Variants in ARID1B observed in about 807,000 individuals in gnomAD.
ARID1B encodes the protein AT-rich interaction domain 1B, also known as AT-rich interactive domain-containing protein 1B.
A neutral mutation model predicts 212.3 loss-of-function variants in ARID1B; 30 were observed. The observed-to-expected ratio is 0.14, with a 90% confidence interval of 0.11 to 0.19. The LOEUF (loss-of-function observed/expected upper bound fraction) is 0.19, where lower values mean the gene tolerates loss of function less well. Among genes scored for constraint, ARID1B ranks in the 10% least tolerant of loss-of-function variants. ARID1B has a pLI of 1.00. For missense variants in ARID1B, 2,891 were observed against 3,204.0 expected, an observed-to-expected ratio of 0.90 and a Z score of 2.36; for synonymous variants, 1,402 against 1,301.7, an observed-to-expected ratio of 1.08 and a Z score of -1.66.
intron 3 of ARID1B, among the ~76,000 whole-genome samples, chr6:156,907,631 C>T (rs147986744): frequency 2.0e-5 from 3 of 151,748 alleles, no homozygotes; most frequent in South Asian, 2.1e-4. Context: ...GGAGGCCAGG[C>T]GTGGTGGCTC....
Position 156,777,768 on chromosome 6 carries a change from G to T in ARID1B, c.88G>T (p.Gly30Trp). Reference protein sequence around the residue: ...AGSGERRAPPGPRPAPGARDL... With the variant: ...AGSGERRAPPWPRPAPGARDL... ...CAGCGGCGAACGGCGGGCGCCCCCC[G>T]GGCCGCGGCCGGCGCCCGGAGCCCG... The change falls in exon 1 of 20, where the codon GGG (glycine) becomes TGG (tryptophan). Residue 30 changes from glycine to tryptophan, a missense_variant. By Grantham distance (184) the Gly-to-Trp change is radical. This residue lies in a region of ARID1B where 1,643 missense variants were observed against 1,544.0 expected (regional missense o/e 1.06). Coordinates refer to ENST00000636930, the MANE Select transcript of ARID1B (RefSeq NM_001374828.1). 1.3e-6 allele frequency: 1 copy of T among 757,842 alleles called. No individual in the cohort carries two copies. The highest frequency in any genetic ancestry group is 1.6e-6 in the Non-Finnish European group (1 of 628,048). The allele number at this position is 757,842 out of a possible 1,614,324, so 46.9% of individuals were successfully genotyped here. A position where few individuals can be genotyped will look rare whatever the true frequency, so the allele number is the denominator to read the frequency against.
At chr6:156,909,523 G>C (rs1337091619) in intron 3 of ARID1B, among the ~76,000 whole-genome samples, 1 of 152,130 alleles carries the variant, frequency 6.6e-6, no homozygotes, top group Non-Finnish European at 1.5e-5. Flanking sequence ...GATAGCCCCA[G>C]TTGTCTTCAG....
rs1302437816 is a variant in ARID1B at position 157,148,706 on chromosome 6, C to A, written c.2844C>A (p.Ala948=). 6.2e-7 allele frequency: 1 copy of A among 1,613,034 alleles called. No homozygotes were observed. Among genetic ancestry groups the A allele is most frequent in the Admixed American group, 1.7e-5 (1 of 60,026 alleles). Residue 948 remains alanine (A), a synonymous_variant, in exon 8 of 20, where the codon GCC becomes GCA. Transcript: ENST00000636930. This position sits in a 1 kb window ranked among gnomAD's most constrained non-coding sequence, Gnocchi z 5.6. ...SGPGPGMGIS[A]NNQMHGQGPS... The stretch of plus-strand genomic sequence containing the variant: ...CAGGGCCCGGTATGGGTATCAGTGC[C>A]AACAACCAGATGCATGGACAAGGGC...
chr6:156,867,242 G>A (rs1383501072), intron 2 of ARID1B, among the ~76,000 whole-genome samples: 1 of 152,188 alleles, frequency 6.6e-6, no homozygotes, highest in East Asian at 1.9e-4. Context: ...GCTCCTCCAT[G>A]GAAAAGATGG....
chr6:156,950,942 A>G (rs1329215108), intron 4 of ARID1B, among the ~76,000 whole-genome samples: 1 of 152,144 alleles, frequency 6.6e-6, no homozygotes, highest in African/African-American at 2.4e-5. Flanking sequence ...AGCCTCCCTA[A>G]TGAATTTTTT....
intron 3 of ARID1B, among the ~76,000 whole-genome samples, chr6:156,920,210 C>T (rs1790672307): frequency 6.6e-6 from 1 of 152,234 alleles, no homozygotes; most frequent in South Asian, 2.1e-4. Flanking sequence ...GCCTGACAGC[C>T]CATCTGTCTT....
chr6:157,018,234 T>TTTG (rs1175400304), intron 4 of ARID1B, among the ~76,000 whole-genome samples: 7 of 145,964 alleles, frequency 4.8e-5, no homozygotes, highest in Non-Finnish European at 9.0e-5. Flanking sequence ...TTTTTTTTTT[T>TTTG]GAGATACAGT....
intron 1 of ARID1B, among the ~76,000 whole-genome samples, chr6:156,798,249 C>G (rs1026045877): frequency 2.6e-5 from 4 of 152,216 alleles, no homozygotes; most frequent in African/African-American, 9.6e-5. Flanking sequence ...GTCCACCCAT[C>G]CTTCCTCCTC....
intron 15 of ARID1B, chr6:157,195,652 C>G (rs1380043167): frequency 1.3e-5 from 2 of 157,654 alleles, no homozygotes; most frequent in African/African-American, 4.8e-5. Context: ...ATGGAAGGTG[C>G]CCACCGGGCA....
At chr6:156,912,525 C>T (rs1462115407) in intron 3 of ARID1B, among the ~76,000 whole-genome samples, 1 of 152,158 alleles carries the variant, frequency 6.6e-6, no homozygotes, top group African/African-American at 2.4e-5. Context: ...GTTAGATCAT[C>T]CTTGCCTTGT....
chr6:156,888,906 T>A (rs1787722470), intron 2 of ARID1B, among the ~76,000 whole-genome samples: 1 of 152,208 alleles, frequency 6.6e-6, no homozygotes, highest in East Asian at 1.9e-4. Flanking sequence ...GTATGGAAAA[T>A]ACTTATTTTT....
At chr6:157,101,833 G>A (rs375995251) in intron 5 of ARID1B, among the ~76,000 whole-genome samples, 1 of 152,162 alleles carries the variant, frequency 6.6e-6, no homozygotes, top group South Asian at 2.1e-4. Context: ...CCGAAATCAA[G>A]TAGTGTCTGT....
chr6:157,047,777 G>A (rs1407798640), intron 4 of ARID1B, among the ~76,000 whole-genome samples: 1 of 152,104 alleles, frequency 6.6e-6, no homozygotes, highest in Non-Finnish European at 1.5e-5. Context: ...CATTATTTTG[G>A]CACTAGTTTT....
chr6:156,785,444 T>C (rs1779567041), intron 1 of ARID1B, among the ~76,000 whole-genome samples: 1 of 152,208 alleles, frequency 6.6e-6, no homozygotes, highest in Non-Finnish European at 1.5e-5. Flanking sequence ...CCATATTTGA[T>C]GAAATCCAGA....
At chr6:157,023,241 G>T (rs1043902359) in intron 4 of ARID1B, 1 of 152,194 alleles carries the variant, frequency 6.6e-6, no homozygotes, top group Admixed American at 6.5e-5. Flanking sequence ...AAGAGCAAAT[G>T]CATTGTGAGG....
chr6:157,000,915 A>T (rs1192824030), intron 4 of ARID1B, among the ~76,000 whole-genome samples: 2 of 151,900 alleles, frequency 1.3e-5, no homozygotes, highest in Non-Finnish European at 2.9e-5. Flanking sequence ...GGCTGGTCTC[A>T]AACTCCTGAC....
chr6:157,102,375 A>G (rs1786106271), intron 5 of ARID1B, among the ~76,000 whole-genome samples: 1 of 152,224 alleles, frequency 6.6e-6, no homozygotes, highest in Non-Finnish European at 1.5e-5. Flanking sequence ...TACCTGCTAA[A>G]TGTACTTACC....
At chr6:156,802,166 C>G (rs1448267210) in intron 1 of ARID1B, among the ~76,000 whole-genome samples, 2 of 152,164 alleles carry the variant, frequency 1.3e-5, no homozygotes, top group Non-Finnish European at 2.9e-5. Context: ...AAATCACAGC[C>G]CTTCTGAAAG....
intron 13 of ARID1B, chr6:157,186,442 G>A (rs886629817): frequency 4.2e-6 from 2 of 471,010 alleles, no homozygotes; most frequent in Non-Finnish European, 8.8e-6. Flanking sequence ...GCGCGTGCAG[G>A]GGGCTCCAGG....
Sources: allele counts gnomAD v4.1 joint callset (sites outside exome capture counted in the v4.1 genomes callset), GRCh38; gene constraint gnomAD v4.1.1; regional missense constraint gnomAD v4.1.1; non-coding constraint Gnocchi (gnomAD v3.1); transcripts MANE v1.5; gene names NCBI Gene and HGNC (gene_info 2026-07-23, HGNC 2026-07-21).